Variants in ZFAT observed in about 807,000 individuals in gnomAD.
The protein encoded by ZFAT is zinc finger protein ZFAT.
ZFAT carries 64 observed loss-of-function variants against 117.7 expected under a neutral mutation model. That is an observed-to-expected ratio of 0.54 (90% CI 0.44 to 0.67). The LOEUF (loss-of-function observed/expected upper bound fraction) is 0.67, where lower values mean the gene tolerates loss of function less well. ZFAT is among the 30% of genes least tolerant of loss of function. The pLI is 0.00. For missense variants in ZFAT, 1,433 were observed against 1,584.5 expected, an observed-to-expected ratio of 0.90 and a Z score of 1.62; for synonymous variants, 679 against 615.0, an observed-to-expected ratio of 1.10 and a Z score of -1.54.
At chr8:134,822,908 T>C in the ZFAT span, among the ~76,000 whole-genome samples, 1 of 152,014 alleles carries the variant, frequency 6.6e-6, no homozygotes, top group African/African-American at 2.4e-5. Context: ...GGAATATAAA[T>C]TCAGATTTTT....
chr8:134,781,031 G>GT, the ZFAT span, among the ~76,000 whole-genome samples: 1,500 of 151,950 alleles, frequency 9.9e-3, 7 homozygotes, highest in Middle Eastern at 0.017. Flanking sequence ...GTTTTGTGGG[G>GT]TTTTTTTTGG....
chr8:134,728,276 C>A, the ZFAT span, among the ~76,000 whole-genome samples: 2 of 152,010 alleles, frequency 1.3e-5, no homozygotes, highest in South Asian at 4.2e-4. Context: ...ACCCCGCTGG[C>A]AATCTCTGCT....
intron 2 of ZFAT, among the ~76,000 whole-genome samples, chr8:134,645,904 T>C (rs768409814): frequency 8.5e-5 from 13 of 152,106 alleles, no homozygotes; most frequent in Non-Finnish European, 1.9e-4. Context: ...TAAGTCTCTA[T>C]AAATTTAAAA....
In ZFAT at chr8:134,681,011, A is replaced by T. The variant is rs981561405; in HGVS notation, c.20-23274T>A. On this transcript the variant is annotated intron_variant, in intron 1 of 15. Transcript: ENST00000377838. ...AAAGACTCTGGATCTTCTGGAACAA[A>T]CAATAATTTTGAGAAGATCATGTAC... Among the ~76,000 whole-genome samples, 3 of 152,258 alleles carry T rather than the reference A, an allele frequency of 2.0e-5. No homozygotes were observed. In the South Asian group the frequency reaches 6.2e-4, roughly 32 times the overall value.
intron 1 of ZFAT, among the ~76,000 whole-genome samples, chr8:134,687,571 C>T (rs565087558): frequency 2.2e-4 from 34 of 152,254 alleles, no homozygotes; most frequent in African/African-American, 7.2e-4. Context: ...AGGAACAGCC[C>T]CCCACCCCGA....
At chr8:134,710,777 G>C (rs974807500) in intron 1 of ZFAT, among the ~76,000 whole-genome samples, 36 of 152,188 alleles carry the variant, frequency 2.4e-4, no homozygotes, top group African/African-American at 6.8e-4. Flanking sequence ...AGTGTACAAT[G>C]AACCATCAGA....
At chr8:134,686,013 C>A (rs889372655) in intron 1 of ZFAT, among the ~76,000 whole-genome samples, 19 of 152,150 alleles carry the variant, frequency 1.2e-4, no homozygotes, top group Non-Finnish European at 7.4e-5. Context: ...ACATCCTTGG[C>A]CCAGGACCAG....
intron 3 of ZFAT, among the ~76,000 whole-genome samples, chr8:134,612,698 A>T (rs1260292043): frequency 6.6e-6 from 1 of 152,258 alleles, no homozygotes; most frequent in Non-Finnish European, 1.5e-5. Context: ...AACTAGTATC[A>T]GCACTAAATA....
the ZFAT span, among the ~76,000 whole-genome samples, chr8:134,802,716 G>T: frequency 3.9e-5 from 6 of 152,138 alleles, no homozygotes; most frequent in Admixed American, 1.3e-4. Flanking sequence ...TCAATTGGTA[G>T]AACAAATCTT....
At chr8:134,516,362 T>C (rs6994784) in intron 13 of ZFAT, among the ~76,000 whole-genome samples, 42,686 of 152,152 alleles carry the variant, frequency 0.28, 6,626 homozygotes, top group African/African-American at 0.4. Flanking sequence ...TTTTATGTAA[T>C]GTTAGCAGTA....
At chr8:134,747,332 C>T in the ZFAT span, among the ~76,000 whole-genome samples, 1 of 152,186 alleles carries the variant, frequency 6.6e-6, no homozygotes, top group African/African-American at 2.4e-5. Flanking sequence ...TCAAATGATC[C>T]TCCCACCTCA....
At chr8:134,587,019 T>TA (rs1491002260) in intron 9 of ZFAT, among the ~76,000 whole-genome samples, 4 of 152,234 alleles carry the variant, frequency 2.6e-5, no homozygotes, top group Non-Finnish European at 4.4e-5. Flanking sequence ...AGGTCACTCT[T>TA]AGAGTGCTCA....
chr8:134,642,717 C>T (rs993762917), intron 2 of ZFAT, among the ~76,000 whole-genome samples: 14 of 152,198 alleles, frequency 9.2e-5, no homozygotes, highest in Non-Finnish European at 1.5e-4. Context: ...ACCCTGGATA[C>T]GGCCAGCTTC....
the ZFAT span, among the ~76,000 whole-genome samples, chr8:134,817,854 T>TC: frequency 6.6e-6 from 1 of 151,824 alleles, no homozygotes; most frequent in South Asian, 2.1e-4. Context: ...CAAAATCGAG[T>TC]CCAAAATAGA....
chr8:134,566,022 CTGTT>C (rs1824434126), intron 10 of ZFAT, among the ~76,000 whole-genome samples: 1 of 151,850 alleles, frequency 6.6e-6, no homozygotes, highest in Non-Finnish European at 1.5e-5. Context: ...ACTCCTAACT[CTGTT>C]TGGAGTGCCA....
chr8:134,494,348 G>A (rs991031339), intron 15 of ZFAT, among the ~76,000 whole-genome samples: 6 of 148,900 alleles, frequency 4.0e-5, no homozygotes, highest in African/African-American at 1.5e-4. Flanking sequence ...TCTCTTTGCT[G>A]GTGGCTTTGT....
the ZFAT span, among the ~76,000 whole-genome samples, chr8:134,777,031 T>C: frequency 1.1e-4 from 17 of 152,330 alleles, no homozygotes; most frequent in Non-Finnish European, 2.2e-4. Context: ...AGAAAGAGTA[T>C]GTGAAATCAG....
the ZFAT span, among the ~76,000 whole-genome samples, chr8:134,756,321 T>C: frequency 6.6e-6 from 1 of 152,226 alleles, no homozygotes; most frequent in East Asian, 1.9e-4. Context: ...TTTAGCCACG[T>C]GCAGAGGCAG....
chr8:134,596,384 C>A (rs1268720079), intron 7 of ZFAT, among the ~76,000 whole-genome samples: 1 of 152,160 alleles, frequency 6.6e-6, no homozygotes, highest in Admixed American at 6.5e-5. Flanking sequence ...CATTTCATGG[C>A]AGCAATAATG....
Sources: gnomAD v4.1 joint callset for allele counts (sites outside exome capture counted in the v4.1 genomes callset) on GRCh38, gnomAD v4.1.1 for gene constraint, MANE v1.5 for transcripts, NCBI Gene and HGNC (gene_info 2026-07-23, HGNC 2026-07-21) for gene names.